Variants in KPNA6 observed in about 807,000 individuals in gnomAD.
KPNA6 encodes karyopherin subunit alpha 6, also known as importin subunit alpha-7.
In KPNA6, 9 loss-of-function variants were observed where a neutral mutation model predicts 72.0. That is an observed-to-expected ratio of 0.13 (90% CI 0.08 to 0.22). The LOEUF (loss-of-function observed/expected upper bound fraction) is 0.22, where lower values mean the gene tolerates loss of function less well. Among genes scored for constraint, KPNA6 ranks in the 10% least tolerant of loss-of-function variants. The pLI is 1.00. For synonymous variants in KPNA6, 219 were observed against 242.1 expected (o/e 0.90, Z 0.89); for missense variants, 374 against 655.7 (o/e 0.57, Z 4.69).
chr1:32,146,077 G>C (rs1641924467), intron 1 of KPNA6, among the ~76,000 whole-genome samples: 1 of 152,148 alleles, frequency 6.6e-6, no homozygotes, highest in South Asian at 2.1e-4. Context: ...ATATTCTGCT[G>C]TTATTGGGTG....
chr1:32,123,895 G>A (rs1214904912), intron 1 of KPNA6, among the ~76,000 whole-genome samples: 10 of 151,694 alleles, frequency 6.6e-5, no homozygotes, highest in South Asian at 2.1e-4. Context: ...TTAGCTGGGC[G>A]TGGTGGTGTG....
At chr1:32,166,866 A>G (rs1642349376) in intron 11 of KPNA6, among the ~76,000 whole-genome samples, 1 of 151,912 alleles carries the variant, frequency 6.6e-6, no homozygotes, top group Non-Finnish European at 1.5e-5. Context: ...TGAACCTGGT[A>G]GGTGGAGCTT....
At chr1:32,145,195 G>A (rs560203353) in intron 1 of KPNA6, among the ~76,000 whole-genome samples, 12 of 150,380 alleles carry the variant, frequency 8.0e-5, no homozygotes, top group East Asian at 4.0e-4. Flanking sequence ...TCCTGACCTC[G>A]TGATCCACCC....
At chr1:32,157,489 C>G in intron 4 of KPNA6, 44 bp downstream of exon 4, 1 of 1,385,976 alleles carries the variant, frequency 7.2e-7, no homozygotes, top group Non-Finnish European at 1.0e-6. Context: ...TATGATTTAG[C>G]CTCTTTTCTC....
Position 32,170,941 on chromosome 1 carries a change from CGGAAGAGCAGCCCTCT to C in KPNA6, c.*50_*65del. 1 of 1,559,410 alleles carries C rather than the reference CGGAAGAGCAGCCCTCT, an allele frequency of 6.4e-7. No homozygotes were observed. Among genetic ancestry groups the C allele is most frequent in the Non-Finnish European group, 8.8e-7 (1 of 1,132,780 alleles). ...GGGGATGGGAAGCACCACCAGCCAG[CGGAAGAGCAGCCCTCT>C]GGTGGGCGGGAAACCAGTGTCCCCA... On this transcript the variant is annotated 3_prime_UTR_variant, in exon 14 of 14. Coordinates refer to ENST00000373625, the MANE Select transcript of KPNA6 (RefSeq NM_012316.5).
In KPNA6 at chr1:32,166,030, CAACAACAA is replaced by C. The variant is rs1285982779; in HGVS notation, c.991-72_991-65del. On this transcript the variant is annotated intron_variant, in intron 10 of 13. Transcript: ENST00000373625. ...AAAACAAAAACAACAACAACAACAA[CAACAACAA>C]AAAAACATAAAAAAAATTAAAAACA... 9 of 1,465,948 alleles carry C rather than the reference CAACAACAA, an allele frequency of 6.1e-6. No individual in the cohort carries two copies. The Admixed American group carries it at 2.1e-4, about 34-fold the overall frequency. 90.8% of individuals were successfully genotyped at this position (1,465,948 alleles called of 1,614,324 possible).
intron 10 of KPNA6, among the ~76,000 whole-genome samples, chr1:32,165,134 T>C (rs1642309611): frequency 6.6e-6 from 1 of 152,200 alleles, no homozygotes; most frequent in South Asian, 2.1e-4. Context: ...CTTGAACTAC[T>C]GGGCTTAAGC....
At chr1:32,154,761 A>G in intron 2 of KPNA6, 40 bp downstream of exon 2, 1 of 1,610,034 alleles carries the variant, frequency 6.2e-7, no homozygotes, top group South Asian at 1.1e-5. Flanking sequence ...CTATTCTGGG[A>G]AACAAGCCCC....
At position 32,114,617 on chromosome 1, in the gene KPNA6, C is replaced by T. The variant is rs181975374; in HGVS notation, c.4+6483C>T. 3.1e-4 allele frequency among the ~76,000 whole-genome samples: 47 copies of T among 152,134 alleles called. No individual in the cohort carries two copies. In the South Asian group the frequency reaches 6.9e-3, roughly 22 times the overall value. Reference sequence around the variant, plus strand: ...GAGCATTGACTTCAACTTAAAGGCCCCAGCTGCATTAGCCCATAACAAGAG... The same window carrying T: ...GAGCATTGACTTCAACTTAAAGGCCTCAGCTGCATTAGCCCATAACAAGAG... On this transcript the variant is annotated intron_variant, in intron 1 of 13. Coordinates refer to ENST00000373625, the MANE Select transcript of KPNA6 (RefSeq NM_012316.5).
intron 1 of KPNA6, among the ~76,000 whole-genome samples, chr1:32,111,046 C>G (rs770551838): frequency 2.6e-5 from 4 of 152,134 alleles, no homozygotes; most frequent in Non-Finnish European, 5.9e-5. Flanking sequence ...ACTGATAGGC[C>G]TTTCTTAGTA....
intron 1 of KPNA6, among the ~76,000 whole-genome samples, chr1:32,144,309 G>C (rs1299388982): frequency 6.6e-6 from 1 of 152,014 alleles, no homozygotes; most frequent in African/African-American, 2.4e-5. Context: ...TGGTTAGCGC[G>C]ATATTTCATC....
chr1:32,112,422 G>A (rs756874358), intron 1 of KPNA6, among the ~76,000 whole-genome samples: 1 of 152,076 alleles, frequency 6.6e-6, no homozygotes, highest in Non-Finnish European at 1.5e-5. Context: ...GCATATAAAA[G>A]TTATCTTTAT....
At chr1:32,140,869 T>C (rs558950233) in intron 1 of KPNA6, among the ~76,000 whole-genome samples, 1 of 152,362 alleles carries the variant, frequency 6.6e-6, no homozygotes, top group East Asian at 1.9e-4. Context: ...CAGCAAAATT[T>C]AAGCCATCTT....
chr1:32,173,498 A>G lies in KPNA6; in HGVS notation c.*2604A>G, dbSNP rs1378574879. 5.8e-6 allele frequency: 1 copy of G among 171,654 alleles called. No homozygotes were observed. Among genetic ancestry groups the G allele is most frequent in the Non-Finnish European group, 1.2e-5 (1 of 81,020 alleles). The allele number at this position is 171,654 out of a possible 1,614,324, so 10.6% of individuals were successfully genotyped here. A position where few individuals can be genotyped will look rare whatever the true frequency, so the allele number is the denominator to read the frequency against. On this transcript the variant is annotated 3_prime_UTR_variant, in exon 14 of 14. Transcript: ENST00000373625. ...TGTGAGGATAGATTTCTAATCAGAG[A>G]AAAGTGGCCTCCAGGAGCTTTCATT...
intron 1 of KPNA6, among the ~76,000 whole-genome samples, chr1:32,124,787 G>A (rs915978708): frequency 7.3e-6 from 1 of 137,804 alleles, no homozygotes; most frequent in Non-Finnish European, 1.6e-5. Context: ...GATTACAAGT[G>A]TGAGCCAACG....
chr1:32,154,553 CAA>C (rs766881300), intron 1 of KPNA6, 33 bp from the exon 2 acceptor site: 1 of 1,606,150 alleles, frequency 6.2e-7, no homozygotes. Flanking sequence ...GCTGTCCTCT[CAA>C]GAGTTTTTGG....
intron 2 of KPNA6, among the ~76,000 whole-genome samples, chr1:32,156,453 A>G (rs75500020): frequency 3.2e-3 from 490 of 152,318 alleles, no homozygotes; most frequent in Non-Finnish European, 4.8e-3. Flanking sequence ...CTTGAACACA[A>G]GCAATTGCCA....
At chr1:32,163,121 G>GAA in intron 9 of KPNA6, 114 bp from the exon 10 acceptor site, 1 of 667,652 alleles carries the variant, frequency 1.5e-6, no homozygotes, top group African/African-American at 1.9e-5. Flanking sequence ...AAAGAAAAAA[G>GAA]AAAAAAAAAG....
intron 1 of KPNA6, among the ~76,000 whole-genome samples, chr1:32,152,814 C>T (rs923804431): frequency 1.3e-5 from 2 of 151,666 alleles, no homozygotes; most frequent in African/African-American, 4.8e-5. Flanking sequence ...CATTGCACTC[C>T]AGCCTGGGCA....
Sources: gnomAD v4.1 joint callset for allele counts (sites outside exome capture counted in the v4.1 genomes callset) on GRCh38, gnomAD v4.1.1 for gene constraint, MANE v1.5 for transcripts, NCBI Gene and HGNC (gene_info 2026-07-23, HGNC 2026-07-21) for gene names.